The following SYNE2 variants were observed in gnomAD, a reference collection of about 807,000 sequenced individuals.
The protein encoded by SYNE2 is spectrin repeat containing nuclear envelope protein 2.
Under a neutral mutation model 856.3 loss-of-function variants are expected in SYNE2, and 431 were observed. That is an observed-to-expected ratio of 0.50 (90% CI 0.47 to 0.55). The LOEUF (loss-of-function observed/expected upper bound fraction) is 0.55. Among genes scored for constraint, SYNE2 ranks in the 20% least tolerant of loss-of-function variants. The pLI is 0.00. For missense variants in SYNE2, 8,129 were observed against 8,023.2 expected (o/e 1.01, Z -0.50); for synonymous variants, 2,923 against 2,872.3 (o/e 1.02, Z -0.56).
At chr14:64,022,140 C>T (rs2096940171) in intron 37 of SYNE2, 112 bp downstream of exon 37, 7 of 981,816 alleles carry the variant, frequency 7.1e-6, no homozygotes, top group Non-Finnish European at 1.1e-5. Flanking sequence ...GCACAGACTA[C>T]ATTCAAGGAA....
Position 64,000,693 on chromosome 14 carries a change from A to G in SYNE2, c.3612A>G (p.Arg1204=). ...GAGACACACTAAAGGAAAGAGAAAGAGAGCTTCAGATGACTCTTAATACCA... is the reference window on the plus strand; with the variant it reads ...GAGACACACTAAAGGAAAGAGAAAGGGAGCTTCAGATGACTCTTAATACCA... ...KERDTLKERE[R]ELQMTLNTRM... is the part of the protein sequence containing the mutation. Residue 1204 remains arginine (R), a synonymous_variant, in exon 28 of 116, where the codon AGA becomes AGG. Transcript: ENST00000555002. The G allele has an allele frequency of 6.2e-7, 1 of 1,613,158 alleles. No individual in the cohort carries two copies.
intron 1 of SYNE2, among the ~76,000 whole-genome samples, chr14:63,880,244 C>T (rs1289805761): frequency 2.0e-5 from 3 of 152,136 alleles, no homozygotes; most frequent in Admixed American, 6.5e-5. Context: ...GTGTGTGCTG[C>T]TACCACCTGG....
At chr14:64,204,202 C>A (rs959644875) in intron 100 of SYNE2, among the ~76,000 whole-genome samples, 8 of 152,240 alleles carry the variant, frequency 5.3e-5, no homozygotes, top group South Asian at 4.1e-4. Flanking sequence ...TTGCTTTGTG[C>A]AGAAAAGAAT....
intron 1 of SYNE2, among the ~76,000 whole-genome samples, chr14:63,877,909 A>G (rs1183231668): frequency 6.6e-6 from 1 of 150,482 alleles, no homozygotes; most frequent in Non-Finnish European, 1.5e-5. Context: ...TTTTTTTGAG[A>G]CAGGGTCTCA....
intron 110 of SYNE2, among the ~76,000 whole-genome samples, chr14:64,219,773 G>A (rs1338004063): frequency 3.9e-5 from 6 of 152,310 alleles, no homozygotes; most frequent in Admixed American, 1.3e-4. Flanking sequence ...ACAGTTACAC[G>A]AAAGACTAGT....
intron 1 of SYNE2, among the ~76,000 whole-genome samples, chr14:63,788,179 G>A (rs1887608154): frequency 6.6e-6 from 1 of 152,210 alleles, no homozygotes; most frequent in South Asian, 2.1e-4. Flanking sequence ...GCCATGCTGG[G>A]AGAGGAGAGA....
At chr14:64,060,169 C>T (rs2097305411) in intron 49 of SYNE2, among the ~76,000 whole-genome samples, 1 of 152,034 alleles carries the variant, frequency 6.6e-6, no homozygotes, top group African/African-American at 2.4e-5. Flanking sequence ...TACCTAAGCT[C>T]AAGACAGTCT....
At chr14:63,988,120 G>A (rs1309324967) in intron 19 of SYNE2, among the ~76,000 whole-genome samples, 1 of 152,102 alleles carries the variant, frequency 6.6e-6, no homozygotes, top group Non-Finnish European at 1.5e-5. Context: ...GTTCTGCTCT[G>A]TCACCCAGGC....
At chr14:64,140,845 T>C (rs139752869) in intron 80 of SYNE2, among the ~76,000 whole-genome samples, 3 of 152,210 alleles carry the variant, frequency 2.0e-5, no homozygotes, top group Admixed American at 2.0e-4. Context: ...TACAAAATGA[T>C]TATTGGTCAA....
chr14:64,036,106 T>G (rs2097087686), intron 45 of SYNE2, among the ~76,000 whole-genome samples: 1 of 152,010 alleles, frequency 6.6e-6, no homozygotes, highest in Non-Finnish European at 1.5e-5. Flanking sequence ...CTGACTGACC[T>G]CAATGGACTC....
intron 14 of SYNE2, 38 bp downstream of exon 14, chr14:63,979,052 A>G (rs781558538): frequency 3.7e-6 from 6 of 1,603,668 alleles, no homozygotes; most frequent in African/African-American, 1.3e-5. Flanking sequence ...CAACTCCTCC[A>G]TCTCTGGGTG....
chr14:63,967,634 A>T, intron 10 of SYNE2, 75 bp from the exon 11 acceptor site: 6 of 1,474,696 alleles, frequency 4.1e-6, no homozygotes, highest in Non-Finnish European at 5.6e-6. Context: ...ATACCTATAG[A>T]CCTCAAAATA....
chr14:64,141,210 G>C, intron 80 of SYNE2, 131 bp from the exon 81 acceptor site: 1 of 435,418 alleles, frequency 2.3e-6, no homozygotes, highest in South Asian at 3.4e-5. Flanking sequence ...GGAAAAAGGG[G>C]TGTGTGTGTG....
rs532333621 is a variant in SYNE2, at chr14:64,118,655, G to GTTTTAGACCAGCCAT, written c.12841-769_12841-768insTAGACCAGCCATTTT. 1.6e-4 allele frequency among the ~76,000 whole-genome samples: 25 copies of GTTTTAGACCAGCCAT among 152,248 alleles called. 1 individual carries two copies. The highest frequency in any genetic ancestry group is 3.4e-3 in the Middle Eastern group (1 of 294). ...AGGTGGGCAGATCACGAGGTCAGGA[G>GTTTTAGACCAGCCAT]TTTGAGACCAGCCTGGCCAAAATGG... is the stretch of plus-strand genomic sequence containing the variant. On this transcript the variant is annotated intron_variant, in intron 66 of 115. Coordinates refer to ENST00000555002, the MANE Select transcript of SYNE2 (RefSeq NM_182914.3).
At chr14:63,912,102 C>A (rs567988183) in intron 2 of SYNE2, among the ~76,000 whole-genome samples, 3 of 152,116 alleles carry the variant, frequency 2.0e-5, no homozygotes, top group Admixed American at 6.6e-5. Context: ...TCACATTAGC[C>A]AGGTACCCTC....
chr14:63,843,929 A>G (rs1890147884), intron 1 of SYNE2, among the ~76,000 whole-genome samples: 1 of 152,138 alleles, frequency 6.6e-6, no homozygotes, highest in Non-Finnish European at 1.5e-5. Context: ...GAGCATTCCC[A>G]TATACTGCCC....
chr14:64,024,869 T>C (rs771774198), intron 39 of SYNE2, 43 bp from the exon 40 acceptor site: 5 of 1,611,140 alleles, frequency 3.1e-6, no homozygotes, highest in South Asian at 1.1e-5. Context: ...GTATAAACAC[T>C]TTTTGCTTAT....
chr14:63,954,503 C>T (rs1254798835), intron 7 of SYNE2, among the ~76,000 whole-genome samples: 1 of 152,152 alleles, frequency 6.6e-6, no homozygotes, highest in Admixed American at 6.5e-5. Context: ...GCTGCTGGCT[C>T]AGGAAACAAA....
chr14:64,031,246 A>T lies in SYNE2; in HGVS notation c.7110A>T (p.Lys2370Asn). ...AATCAAAACGCTCAACAGAAAAGAA[A>T]GGAAAGTTTACTCTGCCAGGCAGAG... ...ILKSKRSTEKKGKFTLPGREK... is the reference protein window; with the variant it reads ...ILKSKRSTEKNGKFTLPGREK... Residue 2370 changes from lysine to asparagine, a missense_variant, in exon 45 of 116, where the codon AAA (lysine) becomes AAT (asparagine). Lys to Asn is a moderately conservative substitution (Grantham distance 94). This residue lies in a region of SYNE2 where 297 missense variants were observed against 380.9 expected (regional missense o/e 0.78). Transcript: ENST00000555002. The T allele has an allele frequency of 6.2e-7, 1 of 1,614,108 alleles. No individual in the cohort carries two copies. The highest frequency in any genetic ancestry group is 1.6e-4 in the Middle Eastern group (1 of 6,062).
Sources: gnomAD v4.1 joint callset for allele counts (sites outside exome capture counted in the v4.1 genomes callset) on GRCh38, gnomAD v4.1.1 for gene constraint, gnomAD v4.1.1 regional missense constraint, MANE v1.5 for transcripts, NCBI Gene and HGNC (gene_info 2026-07-23, HGNC 2026-07-21) for gene names.